TMEM108: variants seen among roughly 807,000 people sequenced by gnomAD.
TMEM108 encodes transmembrane protein 108, also known as cancer/testis antigen 124.
TMEM108 carries 12 observed loss-of-function variants against 35.1 expected under a neutral mutation model. The observed-to-expected ratio is 0.34, with a 90% CI of 0.22 to 0.55. The LOEUF (loss-of-function observed/expected upper bound fraction) is 0.55. Among genes scored for constraint, TMEM108 ranks in the 20% least tolerant of loss-of-function variants. The pLI, the probability that TMEM108 is intolerant of heterozygous loss-of-function variation, is 0.89. For synonymous variants in TMEM108, 287 were observed against 308.6 expected (o/e 0.93, Z 0.73); for missense variants, 680 against 753.3 (o/e 0.90, Z 1.14).
At chr3:133,338,802 A>C (rs1559911631) in intron 3 of TMEM108, among the ~76,000 whole-genome samples, 1 of 152,076 alleles carries the variant, frequency 6.6e-6, no homozygotes. Context: ...CAAAAAGCTT[A>C]AAATCAGGAG....
At chr3:133,136,477 G>A (rs576195712) in intron 2 of TMEM108, among the ~76,000 whole-genome samples, 1 of 152,352 alleles carries the variant, frequency 6.6e-6, no homozygotes, top group South Asian at 2.1e-4. Context: ...TGTAAGCCCA[G>A]ACTAGGGCTT....
chr3:133,322,583 A>G (rs979685434), intron 3 of TMEM108, among the ~76,000 whole-genome samples: 1 of 152,184 alleles, frequency 6.6e-6, no homozygotes, highest in Non-Finnish European at 1.5e-5. Context: ...GCTGAATTCC[A>G]TCAGGCATTC....
chr3:133,138,969 A>G (rs544936235), intron 2 of TMEM108, among the ~76,000 whole-genome samples: 9 of 138,068 alleles, frequency 6.5e-5, no homozygotes, highest in Non-Finnish European at 9.2e-5. Context: ...CCCTGTGTCC[A>G]AATGTTCTCA....
chr3:133,291,351 G>C (rs948312291), intron 3 of TMEM108, among the ~76,000 whole-genome samples: 1 of 151,434 alleles, frequency 6.6e-6, no homozygotes, highest in Non-Finnish European at 1.5e-5. Context: ...CACCATCACA[G>C]CTTACTGCAG....
intron 4 of TMEM108, among the ~76,000 whole-genome samples, chr3:133,385,735 T>C (rs978742146): frequency 2.6e-5 from 4 of 152,196 alleles, no homozygotes; most frequent in African/African-American, 9.6e-5. Context: ...AGACTTGGCT[T>C]GTGGAATCAA....
intron 2 of TMEM108, among the ~76,000 whole-genome samples, chr3:133,054,666 C>T (rs1576293992): frequency 6.6e-6 from 1 of 152,198 alleles, no homozygotes; most frequent in African/African-American, 2.4e-5. Flanking sequence ...TTGAGTGTGA[C>T]TTTATAAGGG....
intron 2 of TMEM108, among the ~76,000 whole-genome samples, chr3:133,100,744 G>T (rs1944076501): frequency 6.6e-6 from 1 of 152,174 alleles, no homozygotes; most frequent in African/African-American, 2.4e-5. Context: ...CTGAAACCTG[G>T]AAGCAATTTT....
intron 2 of TMEM108, among the ~76,000 whole-genome samples, chr3:133,124,472 C>G (rs1944390633): frequency 6.6e-6 from 1 of 152,174 alleles, no homozygotes; most frequent in African/African-American, 2.4e-5. Context: ...TCTGTTCATG[C>G]CATTGCCTCA....
At chr3:133,302,864 G>A (rs929572284) in intron 3 of TMEM108, among the ~76,000 whole-genome samples, 4 of 152,132 alleles carry the variant, frequency 2.6e-5, no homozygotes, top group African/African-American at 9.7e-5. Flanking sequence ...CACCATGCCT[G>A]CTCTCTGGTA....
intron 3 of TMEM108, chr3:133,303,369 A>G (rs1042210286): frequency 1.3e-5 from 2 of 152,192 alleles, no homozygotes; most frequent in Non-Finnish European, 1.5e-5. Flanking sequence ...TTTCAAAGGT[A>G]GTGTTTCATA....
intron 2 of TMEM108, among the ~76,000 whole-genome samples, chr3:133,061,876 A>T (rs1943540241): frequency 6.6e-6 from 1 of 152,204 alleles, no homozygotes; most frequent in Admixed American, 6.5e-5. Flanking sequence ...TATGAAAGGA[A>T]TATTAGTGAT....
chr3:133,204,415 C>T (rs1262716764), intron 2 of TMEM108, among the ~76,000 whole-genome samples: 1 of 152,102 alleles, frequency 6.6e-6, no homozygotes, highest in Admixed American at 6.5e-5. Flanking sequence ...TTAGAGCTTT[C>T]CTGCTTTCTC....
intron 2 of TMEM108, among the ~76,000 whole-genome samples, chr3:133,060,255 GTC>G (rs1943520589): frequency 6.6e-6 from 1 of 152,178 alleles, no homozygotes; most frequent in Non-Finnish European, 1.5e-5. Context: ...CTGCCTTGTG[GTC>G]TGAGAAGGCT....
chr3:133,055,100 G>T (rs935725974), intron 2 of TMEM108, among the ~76,000 whole-genome samples: 4 of 152,170 alleles, frequency 2.6e-5, no homozygotes, highest in Admixed American at 6.6e-5. Context: ...TTCAGACTCT[G>T]TGAAGATCCC....
intron 3 of TMEM108, among the ~76,000 whole-genome samples, chr3:133,240,919 G>A (rs1946304320): frequency 6.6e-6 from 1 of 151,750 alleles, no homozygotes. Context: ...ATTTTTGTTT[G>A]GCAAATCTTA....
intron 2 of TMEM108, among the ~76,000 whole-genome samples, chr3:133,145,701 C>G (rs542553579): frequency 2.0e-5 from 3 of 152,188 alleles, no homozygotes; most frequent in African/African-American, 7.2e-5. Context: ...AGTTGTATTC[C>G]TAGGTATTTT....
chr3:133,085,246 A>G (rs1943866629), intron 2 of TMEM108, among the ~76,000 whole-genome samples: 1 of 152,194 alleles, frequency 6.6e-6, no homozygotes, highest in African/African-American at 2.4e-5. Flanking sequence ...GAAATTCCAA[A>G]TATAAAATGA....
chr3:133,152,855 G>A (rs9289440), intron 2 of TMEM108, among the ~76,000 whole-genome samples: 35,561 of 151,920 alleles, frequency 0.23, 4,678 homozygotes, highest in Non-Finnish European at 0.3. Context: ...AATTAAGGGC[G>A]ACTTAATTAA....
Position 133,174,538 on chromosome 3 carries a change from G to C in TMEM108, c.-46-54728G>C, listed in dbSNP as rs181828106. 6.7e-3 allele frequency among the ~76,000 whole-genome samples: 1,019 copies of C among 152,290 alleles called. 8 individuals are homozygous for C. Among genetic ancestry groups the C allele is most frequent in the South Asian group, 0.037 (180 of 4,818 alleles). The stretch of plus-strand genomic sequence containing the variant: ...GTTCAACAATATCCGCTGTTGTGCA[G>C]CCTCCGCTGCTGATACCCAGGGAAA... On this transcript the variant is annotated intron_variant, in intron 2 of 5. Transcript: ENST00000321871.
Sources: allele counts gnomAD v4.1 joint callset (sites outside exome capture counted in the v4.1 genomes callset), GRCh38; gene constraint gnomAD v4.1.1; transcripts MANE v1.5; gene names NCBI Gene and HGNC (gene_info 2026-07-23, HGNC 2026-07-21).